The following WASF3 variants were observed in gnomAD, a reference collection of about 807,000 sequenced individuals.
The protein encoded by WASF3 is WASP family member 3.
In WASF3, 11 loss-of-function variants were observed where a neutral mutation model predicts 46.6. The observed-to-expected ratio is 0.24, with a 90% CI of 0.15 to 0.39. The LOEUF is 0.39. Ranked by LOEUF, WASF3 falls within the 10% of genes least tolerant of loss-of-function variation. The probability of loss-of-function intolerance (pLI) is 1.00; values close to 1 mark genes in which losing one functional copy is unlikely to be tolerated. For synonymous variants in WASF3, 242 were observed against 259.7 expected, an observed-to-expected ratio of 0.93 and a Z score of 0.65; for missense variants, 576 against 669.8, an observed-to-expected ratio of 0.86 and a Z score of 1.55.
chr13:26,621,029 T>C (rs960904618), intron 2 of WASF3, among the ~76,000 whole-genome samples: 1 of 152,188 alleles, frequency 6.6e-6, no homozygotes, highest in Non-Finnish European at 1.5e-5. Context: ...AGAGCTTCAC[T>C]CTTCCATCCT....
chr13:26,630,156 T>C (rs1881606431), intron 2 of WASF3, among the ~76,000 whole-genome samples: 1 of 152,168 alleles, frequency 6.6e-6, no homozygotes, highest in Non-Finnish European at 1.5e-5. Flanking sequence ...TTTACTGTTG[T>C]TAAGTTTTGT....
chr13:26,578,013 G>T (rs981591881), intron 1 of WASF3, among the ~76,000 whole-genome samples: 8 of 152,040 alleles, frequency 5.3e-5, no homozygotes, highest in African/African-American at 9.7e-5. Flanking sequence ...GGATTCCTTA[G>T]ACTTTTTTTT....
At chr13:26,559,803 TC>T (rs1371055767) in intron 1 of WASF3, among the ~76,000 whole-genome samples, 5 of 61,618 alleles carry the variant, frequency 8.1e-5, no homozygotes, top group African/African-American at 1.4e-4. Context: ...TTTCTTTCTT[TC>T]TTTCTTTTTT....
At chr13:26,598,973 C>T (rs566267578) in intron 1 of WASF3, among the ~76,000 whole-genome samples, 18 of 152,160 alleles carry the variant, frequency 1.2e-4, no homozygotes, top group East Asian at 7.8e-4. Context: ...AGGGTTCAAA[C>T]GATTCTCCTG....
At chr13:26,590,299 A>G (rs139293372) in intron 1 of WASF3, among the ~76,000 whole-genome samples, 1 of 152,340 alleles carries the variant, frequency 6.6e-6, no homozygotes, top group East Asian at 1.9e-4. Flanking sequence ...TTCTGTACTA[A>G]TAAGATTGCC....
At chr13:26,553,589 G>A (rs962710267), upstream of WASF3, among the ~76,000 whole-genome samples, 32 of 152,116 alleles carry the variant, frequency 2.1e-4, no homozygotes, top group Non-Finnish European at 3.1e-4. Flanking sequence ...AGGCCGAGGC[G>A]GGCGGATCAT....
intron 2 of WASF3, among the ~76,000 whole-genome samples, chr13:26,620,979 C>T (rs537070642): frequency 2.2e-4 from 34 of 152,118 alleles, no homozygotes; most frequent in Admixed American, 1.0e-3. Flanking sequence ...AGCTAAGTGA[C>T]GTTTTAAAAT....
intron 2 of WASF3, among the ~76,000 whole-genome samples, chr13:26,627,778 C>T (rs1881514098): frequency 6.6e-6 from 1 of 151,196 alleles, no homozygotes; most frequent in South Asian, 2.1e-4. Context: ...ATAGATATAC[C>T]TAATGCTAGA....
chr13:26,617,208 A>T (rs1222643074), intron 2 of WASF3, among the ~76,000 whole-genome samples: 1 of 152,128 alleles, frequency 6.6e-6, no homozygotes, highest in Non-Finnish European at 1.5e-5. Flanking sequence ...TTTCTGAGAA[A>T]AGTATGTTGG....
At chr13:26,588,426 A>G (rs566838961) in intron 1 of WASF3, among the ~76,000 whole-genome samples, 96 of 152,288 alleles carry the variant, frequency 6.3e-4, no homozygotes, top group Non-Finnish European at 1.2e-3. Context: ...CTGGGAGGGA[A>G]ACCTGGCCCA....
At chr13:26,670,556 G>A (rs1316152033) in intron 5 of WASF3, among the ~76,000 whole-genome samples, 1 of 152,168 alleles carries the variant, frequency 6.6e-6, no homozygotes, top group African/African-American at 2.4e-5. Context: ...ACTTAAGTGA[G>A]TTCCCGCCTT....
At chr13:26,551,371 T>C in the WASF3 span, among the ~76,000 whole-genome samples, 14 of 152,288 alleles carry the variant, frequency 9.2e-5, no homozygotes, top group South Asian at 2.9e-3. Flanking sequence ...CATGGGAATA[T>C]CTAAGTCTGA....
intron 2 of WASF3, among the ~76,000 whole-genome samples, chr13:26,629,104 A>G (rs542895185): frequency 6.6e-6 from 1 of 152,316 alleles, no homozygotes; most frequent in Non-Finnish European, 1.5e-5. Flanking sequence ...TTCACTGTAA[A>G]GTGGGTCCCC....
At chr13:26,615,746 G>A (rs9553874) in intron 2 of WASF3, among the ~76,000 whole-genome samples, 43,633 of 152,088 alleles carry the variant, frequency 0.29, 6,657 homozygotes, top group East Asian at 0.58. Context: ...ACTGGTGACC[G>A]TTGTTTCCTC....
intron 1 of WASF3, among the ~76,000 whole-genome samples, chr13:26,605,732 C>A (rs557440696): frequency 2.7e-4 from 41 of 152,232 alleles, no homozygotes; most frequent in African/African-American, 9.6e-4. Context: ...GCAGAAACAT[C>A]GATTAGATAA....
intron 2 of WASF3, chr13:26,639,930 AG>A (rs1329783453): frequency 6.6e-6 from 1 of 152,320 alleles, no homozygotes; most frequent in Non-Finnish European, 1.5e-5. Flanking sequence ...GAATAATTTC[AG>A]TGGGCTCTCA....
chr13:26,674,907 C>G (rs1434922059), intron 6 of WASF3, among the ~76,000 whole-genome samples: 1 of 152,162 alleles, frequency 6.6e-6, no homozygotes, highest in Non-Finnish European at 1.5e-5. Context: ...ATATTACTTT[C>G]TTTTGATGAA....
At chr13:26,590,413 A>T (rs1456231697) in intron 1 of WASF3, among the ~76,000 whole-genome samples, 1 of 152,236 alleles carries the variant, frequency 6.6e-6, no homozygotes, top group Non-Finnish European at 1.5e-5. Context: ...AACCCGAAAG[A>T]AGGTGGAAAA....
intron 1 of WASF3, among the ~76,000 whole-genome samples, chr13:26,562,387 AGGGATGGGAGG>A (rs1879319945): frequency 6.6e-6 from 1 of 152,162 alleles, no homozygotes; most frequent in Admixed American, 6.5e-5. Context: ...GTGACATGAC[AGGGATGGGAGG>A]GGGAGGCCAG....
Sources: gnomAD v4.1 joint callset for allele counts (sites outside exome capture counted in the v4.1 genomes callset) on GRCh38, gnomAD v4.1.1 for gene constraint, MANE v1.5 for transcripts, NCBI Gene and HGNC (gene_info 2026-07-23, HGNC 2026-07-21) for gene names.